ITGA8: variants seen among roughly 807,000 people sequenced by gnomAD.
The protein encoded by ITGA8 is integrin alpha-8.
A neutral mutation model predicts 142.3 loss-of-function variants in ITGA8; 91 were observed. That is an observed-to-expected ratio of 0.64 (90% CI 0.54 to 0.76). The LOEUF (loss-of-function observed/expected upper bound fraction) is 0.76, where lower values mean the gene tolerates loss of function less well. Among genes scored for constraint, ITGA8 ranks in the 30% least tolerant of loss-of-function variants. The pLI, the probability that ITGA8 is intolerant of heterozygous loss-of-function variation, is 0.00. For synonymous variants in ITGA8, 505 were observed against 485.2 expected, an observed-to-expected ratio of 1.04 and a Z score of -0.54; for missense variants, 1,406 against 1,327.7, an observed-to-expected ratio of 1.06 and a Z score of -0.92.
chr10:15,550,168 T>A (rs896170218), intron 26 of ITGA8, among the ~76,000 whole-genome samples: 6 of 152,228 alleles, frequency 3.9e-5, no homozygotes, highest in African/African-American at 1.4e-4. Flanking sequence ...TCTCATTCTC[T>A]GCTTGCCTGC....
chr10:15,644,085 G>C lies in ITGA8; in HGVS notation c.1344C>G (p.Ser448=). ...CTCCTCTTAAAGTAAAGCCAAATCC[G>C]GAAGGGACAGCATGTGAGGCCCACA... ...QGVWASHAVP[S]GFGFTLRGDS... Residue 448 remains serine (S), a synonymous_variant, in exon 13 of 30, where the codon TCC becomes TCG. Coordinates refer to ENST00000378076, the MANE Select transcript of ITGA8 (RefSeq NM_003638.3). The C allele has an allele frequency of 6.2e-7, 1 of 1,613,908 alleles. No homozygotes were observed.
At chr10:15,598,051 C>A (rs1833037950) in intron 20 of ITGA8, among the ~76,000 whole-genome samples, 1 of 152,126 alleles carries the variant, frequency 6.6e-6, no homozygotes, top group Non-Finnish European at 1.5e-5. Context: ...GCTCAGAAAC[C>A]CACCCCTCAC....
At chr10:15,592,097 C>T (rs1832933093) in intron 22 of ITGA8, 128 bp downstream of exon 22, 1 of 565,102 alleles carries the variant, frequency 1.8e-6, no homozygotes, top group Non-Finnish European at 3.2e-6. Context: ...AAGAAATGGG[C>T]TGTGAAAGTC....
At chr10:15,578,997 T>G (rs1482404767) in intron 23 of ITGA8, among the ~76,000 whole-genome samples, 1 of 152,094 alleles carries the variant, frequency 6.6e-6, no homozygotes, top group Non-Finnish European at 1.5e-5. Context: ...ATTTTTTAAT[T>G]ATAAAAAACA....
chr10:15,562,911 G>A (rs1834009340), intron 25 of ITGA8, among the ~76,000 whole-genome samples: 1 of 152,210 alleles, frequency 6.6e-6, no homozygotes, highest in Non-Finnish European at 1.5e-5. Flanking sequence ...TCCCAATGTG[G>A]GAGGTGGGGC....
chr10:15,681,254 A>G (rs764727235), intron 4 of ITGA8, among the ~76,000 whole-genome samples: 3 of 152,234 alleles, frequency 2.0e-5, no homozygotes, highest in Non-Finnish European at 4.4e-5. Flanking sequence ...CCATATGCTC[A>G]TGAACAAGCT....
At position 15,598,766 on chromosome 10, in the gene ITGA8, A is replaced by G. The variant is rs143296562; in HGVS notation, c.2119-1467T>C. Among the ~76,000 whole-genome samples, 271 of 152,360 alleles carry G rather than the reference A, an allele frequency of 1.8e-3. 1 individual carries two copies. Among genetic ancestry groups the G allele is most frequent in the Admixed American group, 0.012 (184 of 15,298 alleles). The stretch of plus-strand genomic sequence containing the variant: ...ATGGAAATATCTGTCCTAGTTATTG[A>G]GAAAGGAATGGATCACTAATATTTG... On this transcript the variant is annotated intron_variant, in intron 20 of 29. Coordinates refer to ENST00000378076, the MANE Select transcript of ITGA8 (RefSeq NM_003638.3).
chr10:15,553,696 G>C (rs1478105613), intron 26 of ITGA8, among the ~76,000 whole-genome samples: 1 of 152,044 alleles, frequency 6.6e-6, no homozygotes, highest in Non-Finnish European at 1.5e-5. Context: ...AGGGCTCTTG[G>C]CTATGACTAA....
At chr10:15,527,777 A>G (rs1009578630) in intron 28 of ITGA8, among the ~76,000 whole-genome samples, 2 of 152,152 alleles carry the variant, frequency 1.3e-5, no homozygotes, top group African/African-American at 4.8e-5. Context: ...AAACAAGCAA[A>G]TAGTAGTCTC....
intron 27 of ITGA8, among the ~76,000 whole-genome samples, chr10:15,547,875 C>T (rs1833707957): frequency 6.6e-6 from 1 of 152,030 alleles, no homozygotes; most frequent in Admixed American, 6.6e-5. Context: ...GTTACTGTGC[C>T]CAACACTGGG....
At chr10:15,553,292 A>C in intron 26 of ITGA8, among the ~76,000 whole-genome samples, 1 of 127,948 alleles carries the variant, frequency 7.8e-6, no homozygotes, top group Admixed American at 9.7e-5. Context: ...ACAATCTTCC[A>C]GTTGCCATAG....
chr10:15,597,367 G>T (rs931614640), intron 20 of ITGA8, 68 bp from the exon 21 acceptor site: 1 of 1,293,494 alleles, frequency 7.7e-7, no homozygotes, highest in Non-Finnish European at 1.1e-6. Context: ...AAGCCATGCT[G>T]GGGGCCTGGG....
chr10:15,684,782 A>G (rs1834805696), intron 3 of ITGA8, among the ~76,000 whole-genome samples: 1 of 152,338 alleles, frequency 6.6e-6, no homozygotes, highest in Middle Eastern at 3.4e-3. Flanking sequence ...ACATAAAAGC[A>G]AATGATCATG....
At chr10:15,606,158 C>T (rs923282062) in intron 18 of ITGA8, 127 bp downstream of exon 18, 1 of 811,674 alleles carries the variant, frequency 1.2e-6, no homozygotes, top group South Asian at 2.2e-5. Flanking sequence ...TAGGAAAACT[C>T]CCAAATGTTC....
chr10:15,666,887 A>C (rs1300451740), intron 8 of ITGA8, among the ~76,000 whole-genome samples: 1 of 152,200 alleles, frequency 6.6e-6, no homozygotes, highest in African/African-American at 2.4e-5. Context: ...CATGGTGGAT[A>C]AGCTTTTTCA....
intron 23 of ITGA8, among the ~76,000 whole-genome samples, chr10:15,580,507 C>G (rs568050685): frequency 6.6e-6 from 1 of 151,992 alleles, no homozygotes; most frequent in African/African-American, 2.4e-5. Context: ...GTACTTCTTA[C>G]GAACGTAGAT....
chr10:15,566,692 TC>T (rs1564354928), intron 25 of ITGA8, among the ~76,000 whole-genome samples: 1 of 151,664 alleles, frequency 6.6e-6, no homozygotes, highest in African/African-American at 2.4e-5. Context: ...ATTCCTGTAG[TC>T]CCAGCTACTT....
At chr10:15,695,106 A>T (rs373599588) in intron 2 of ITGA8, among the ~76,000 whole-genome samples, 2 of 152,234 alleles carry the variant, frequency 1.3e-5, no homozygotes, top group East Asian at 3.9e-4. Flanking sequence ...CCTTTCTGCC[A>T]TTATAGGATG....
At chr10:15,714,958 G>A (rs186914563) in intron 2 of ITGA8, among the ~76,000 whole-genome samples, 70 of 152,284 alleles carry the variant, frequency 4.6e-4, no homozygotes, top group Non-Finnish European at 8.4e-4. Flanking sequence ...AGTAAAAGTA[G>A]GGTAAAAGAC....
Sources: gnomAD v4.1 joint callset for allele counts (sites outside exome capture counted in the v4.1 genomes callset) on GRCh38, gnomAD v4.1.1 for gene constraint, MANE v1.5 for transcripts, NCBI Gene and HGNC (gene_info 2026-07-23, HGNC 2026-07-21) for gene names.